The following NLGN3 variants were observed in gnomAD, a reference collection of about 807,000 sequenced individuals.
NLGN3 encodes the protein neuroligin-3.
Under a neutral mutation model 42.9 loss-of-function variants are expected in NLGN3, and 11 were observed. That is an observed-to-expected ratio of 0.26 (90% CI 0.16 to 0.42). The LOEUF (loss-of-function observed/expected upper bound fraction) is 0.42. NLGN3 is among the 10% of genes least tolerant of loss of function. NLGN3 has a pLI of 1.00. For missense variants in NLGN3, 374 were observed against 733.8 expected, an observed-to-expected ratio of 0.51 and a Z score of 5.67; for synonymous variants, 279 against 312.7, an observed-to-expected ratio of 0.89 and a Z score of 1.14.
chrX:71,148,247 G>A lies in NLGN3; in HGVS notation c.457+41G>A, dbSNP rs368578220. 5 of 1,053,293 alleles carry A rather than the reference G, an allele frequency of 4.7e-6. No individual in the cohort carries two copies. In the East Asian group the frequency reaches 9.1e-5, roughly 19 times the overall value. 86.8% of individuals were successfully genotyped at this position (1,053,293 alleles called of 1,213,427 possible). A position where few individuals can be genotyped will look rare whatever the true frequency, so the allele number is the denominator to read the frequency against. On this transcript the variant is annotated intron_variant, in intron 2 of 7. Transcript: ENST00000358741. ...AGGCACTGTGCCCTCCCTGCCTCCC[G>A]CCTGCCCTGCTGTGTTTGTGGCTTG... is the stretch of plus-strand genomic sequence containing the variant.
chrX:71,168,218 T>G (rs1293264276), intron 7 of NLGN3, among the ~76,000 whole-genome samples: 1 of 111,023 alleles, frequency 9.0e-6, no homozygotes, highest in Non-Finnish European at 1.9e-5. Flanking sequence ...AGTGCATGCC[T>G]GTAGTCCCAG....
chrX:71,146,151 T>TCACACA (rs1400594479), intron 1 of NLGN3, among the ~76,000 whole-genome samples: 4 of 31,051 alleles, frequency 1.3e-4, no homozygotes, highest in African/African-American at 5.5e-4. Context: ...TCTCTCTCTC[T>TCACACA]CTCACACACA....
Position 71,168,884 on chromosome X carries a change from G to GAGAA in NLGN3, c.1704-352_1704-349dup, listed in dbSNP as rs559388531. On this transcript the variant is annotated intron_variant, in intron 7 of 7. Coordinates refer to ENST00000358741, the MANE Select transcript of NLGN3 (RefSeq NM_181303.2). Reference sequence around the variant, plus strand: ...AAGAAAGAAAGAGAAAGAAAAGAAAGAGAAAGAAAGAAAGAAAGAAAAAGA... The same window carrying GAGAA: ...AAGAAAGAAAGAGAAAGAAAAGAAAGAGAAAGAAAGAAAGAAAGAAAGAAAAAGA... 5.3e-4 allele frequency among the ~76,000 whole-genome samples: 38 copies of GAGAA among 71,585 alleles called. 1 individual carries two copies. Among genetic ancestry groups the GAGAA allele is most frequent in the Non-Finnish European group, 7.1e-4 (32 of 44,893 alleles). The allele number at this position is 71,585 out of a possible 115,157, so 62.2% of individuals were successfully genotyped here.
intron 1 of NLGN3, among the ~76,000 whole-genome samples, chrX:71,145,348 T>TATC (rs1244905243): frequency 8.0e-5 from 4 of 50,079 alleles, no homozygotes; most frequent in Non-Finnish European, 1.1e-4. Flanking sequence ...CCTCCCCCAC[T>TATC]ATCTGCAGCC....
At chrX:71,147,140 C>A (rs781537445) in intron 1 of NLGN3, among the ~76,000 whole-genome samples, 2 of 111,438 alleles carry the variant, frequency 1.8e-5, no homozygotes, top group Non-Finnish European at 3.8e-5. Context: ...GTGGAGGTCC[C>A]TGTGTGGGCT....
chrX:71,150,622 A>G (rs2092387182), intron 3 of NLGN3, among the ~76,000 whole-genome samples: 2 of 107,778 alleles, frequency 1.9e-5, no homozygotes, highest in African/African-American at 6.8e-5. Context: ...GAATGGCATG[A>G]ACCCAGGAGG....
chrX:71,147,783 C>G lies in NLGN3; in HGVS notation c.34C>G (p.Leu12Val). The G allele has an allele frequency of 8.3e-7, 1 of 1,210,260 alleles. No homozygotes were observed. The highest frequency in any genetic ancestry group is 1.1e-6 in the Non-Finnish European group (1 of 895,064). ...GCGGCTTGGCCCGCCCTCGCTGTCC[C>G]TGAGCCCCAAGCCCACGGTTGGCAG... is the stretch of plus-strand genomic sequence containing the variant. ...WLRLGPPSLS[L>V]SPKPTVGRSL... is the part of the protein sequence containing the mutation. The change falls in exon 2 of 8, where the codon CTG becomes GTG. Residue 12 changes from leucine (L) to valine (V), a missense_variant. By Grantham distance (32) the Leu-to-Val change is conservative. Transcript: ENST00000358741.
intron 1 of NLGN3, among the ~76,000 whole-genome samples, chrX:71,146,172 GACACACACACACAC>G (rs1168453634): frequency 4.6e-3 from 176 of 38,206 alleles, no homozygotes; most frequent in African/African-American, 0.018. Context: ...CACACACACA[GACACACACACACAC>G]ACACACACAC....
chrX:71,155,173 G>A (rs185402974), intron 4 of NLGN3, 41 bp from the exon 5 acceptor site: 17,959 of 1,207,101 alleles, frequency 0.015, 104 homozygotes, highest in Non-Finnish European at 0.017. Context: ...GGGGAGCAAG[G>A]GCATCCCACC....
chrX:71,145,277 C>A (rs1233327172), intron 1 of NLGN3, among the ~76,000 whole-genome samples: 2 of 88,376 alleles, frequency 2.3e-5, no homozygotes, highest in Admixed American at 1.2e-4. Flanking sequence ...CATTGCCAGT[C>A]CCCCCTCCCC....
chrX:71,147,377 A>T (rs910181526), intron 1 of NLGN3, among the ~76,000 whole-genome samples, 173 bp from the exon 2 acceptor site: 2 of 111,808 alleles, frequency 1.8e-5, no homozygotes, highest in Non-Finnish European at 3.8e-5. Flanking sequence ...AGGCACATAG[A>T]ATGGTTCTGA....
intron 7 of NLGN3, 123 bp downstream of exon 7, chrX:71,167,923 C>G (rs992876668): frequency 1.6e-6 from 1 of 618,810 alleles, no homozygotes; most frequent in Admixed American, 2.5e-5. Flanking sequence ...TGCTTGGTAC[C>G]CCTTCACTCA....
chrX:71,147,231 C>T, intron 1 of NLGN3, among the ~76,000 whole-genome samples: 2 of 111,843 alleles, frequency 1.8e-5, no homozygotes, highest in South Asian at 7.5e-4. Flanking sequence ...CTCCCCACCC[C>T]CTGGCTGTCA....
At chrX:71,172,878 G>A (rs1403328267), downstream of NLGN3, among the ~76,000 whole-genome samples, 1 of 111,764 alleles carries the variant, frequency 8.9e-6, no homozygotes, top group Non-Finnish European at 1.9e-5. Flanking sequence ...CAAGCACCTA[G>A]TGAGTTCTCA....
At chrX:71,156,686 C>T (rs1232244242) in intron 5 of NLGN3, among the ~76,000 whole-genome samples, 2 of 110,434 alleles carry the variant, frequency 1.8e-5, no homozygotes, top group Admixed American at 9.7e-5. Flanking sequence ...AACCGCATCC[C>T]CCAAGTCTCC....
intron 7 of NLGN3, among the ~76,000 whole-genome samples, chrX:71,168,867 A>AAGAG (rs201451464): frequency 4.3e-5 from 3 of 69,251 alleles, no homozygotes; most frequent in Non-Finnish European, 7.2e-5. Flanking sequence ...GAAAGAAAGA[A>AAGAG]AGAGAAAGAA....
chrX:71,172,476 C>T (rs183403343), downstream of NLGN3, among the ~76,000 whole-genome samples: 310 of 111,803 alleles, frequency 2.8e-3, 2 homozygotes, highest in Middle Eastern at 4.6e-3. Flanking sequence ...CCACTCAACT[C>T]GTTCCACTCT....
chrX:71,168,690 C>G (rs1445002599), intron 7 of NLGN3, among the ~76,000 whole-genome samples: 1 of 97,012 alleles, frequency 1.0e-5, no homozygotes, highest in Non-Finnish European at 2.0e-5. Context: ...CCACCGCACT[C>G]CAGCCTGTGC....
intron 5 of NLGN3, among the ~76,000 whole-genome samples, chrX:71,159,827 C>T (rs997899149): frequency 7.5e-5 from 8 of 106,256 alleles, no homozygotes; most frequent in African/African-American, 2.1e-4. Context: ...CGGGTTCAAG[C>T]GATTCTCGTG....
Sources: gnomAD v4.1 joint callset for allele counts (sites outside exome capture counted in the v4.1 genomes callset) on GRCh38, gnomAD v4.1.1 for gene constraint, MANE v1.5 for transcripts, NCBI Gene and HGNC (gene_info 2026-07-23, HGNC 2026-07-21) for gene names.